The following SCN11A variants were observed in gnomAD, a reference collection of about 807,000 sequenced individuals.
SCN11A encodes the protein sodium voltage-gated channel alpha subunit 11.
SCN11A carries 122 observed loss-of-function variants against 162.2 expected under a neutral mutation model. The observed-to-expected ratio is 0.75, with a 90% CI of 0.65 to 0.87. The LOEUF (loss-of-function observed/expected upper bound fraction) is 0.87. Among genes scored for constraint, SCN11A ranks in the 40% least tolerant of loss-of-function variants. The pLI, the probability that SCN11A is intolerant of heterozygous loss-of-function variation, is 0.00. For missense variants in SCN11A, 2,015 were observed against 2,181.6 expected, an observed-to-expected ratio of 0.92 and a Z score of 1.52; for synonymous variants, 758 against 751.5, an observed-to-expected ratio of 1.01 and a Z score of -0.14.
chr3:39,044,544 A>G (rs1393046494), intron 1 of SCN11A, among the ~76,000 whole-genome samples: 3 of 152,190 alleles, frequency 2.0e-5, no homozygotes, highest in Non-Finnish European at 4.4e-5. Context: ...AAATACATAT[A>G]AATTAAATAA....
intron 6 of SCN11A, 30 bp downstream of exon 6, chr3:38,946,759 G>C: frequency 7.0e-7 from 1 of 1,422,812 alleles, no homozygotes; most frequent in South Asian, 1.2e-5. Flanking sequence ...AAATGATCTG[G>C]ACTTAGTAAA....
chr3:38,928,796 T>C (rs2066185691), intron 7 of SCN11A, among the ~76,000 whole-genome samples: 1 of 152,130 alleles, frequency 6.6e-6, no homozygotes, highest in Non-Finnish European at 1.5e-5. Flanking sequence ...CAAGTGTTGA[T>C]GAAGATGTGA....
At chr3:38,899,862 C>A (rs775496066) in intron 17 of SCN11A, 32 bp downstream of exon 17, 4 of 1,589,298 alleles carry the variant, frequency 2.5e-6, no homozygotes, top group South Asian at 1.1e-5. Flanking sequence ...TAGGCAGCTA[C>A]GTTTATGCAG....
chr3:38,944,970 T>TA (rs113936565), intron 7 of SCN11A, among the ~76,000 whole-genome samples: 20 of 150,610 alleles, frequency 1.3e-4, no homozygotes, highest in Middle Eastern at 3.4e-3. Context: ...TCTCAAAAAA[T>TA]AAAAAAAAAT....
chr3:38,980,200 T>C (rs899930100), intron 2 of SCN11A, among the ~76,000 whole-genome samples: 2 of 151,798 alleles, frequency 1.3e-5, no homozygotes, highest in African/African-American at 4.8e-5. Flanking sequence ...TCACAGTAGG[T>C]GTGAATGAAA....
At chr3:38,889,867 TAAAG>T (rs1434473760) in intron 19 of SCN11A, among the ~76,000 whole-genome samples, 3 of 135,738 alleles carry the variant, frequency 2.2e-5, no homozygotes, top group Non-Finnish European at 4.8e-5. Flanking sequence ...TAAAATAAAA[TAAAG>T]AAATAAATGC....
At chr3:38,932,821 A>G (rs1274092623) in intron 7 of SCN11A, among the ~76,000 whole-genome samples, 2 of 152,238 alleles carry the variant, frequency 1.3e-5, no homozygotes, top group Non-Finnish European at 2.9e-5. Flanking sequence ...AGACAGCAGT[A>G]ACCTCTGCAG....
At chr3:38,848,989 T>C (rs2064725564) in intron 29 of SCN11A, among the ~76,000 whole-genome samples, 2 of 152,344 alleles carry the variant, frequency 1.3e-5, no homozygotes, top group South Asian at 4.1e-4. Context: ...AGGATTAATA[T>C]ATGGATTAAT....
chr3:39,017,963 A>C (rs1265205758), intron 2 of SCN11A, among the ~76,000 whole-genome samples: 2 of 152,016 alleles, frequency 1.3e-5, no homozygotes, highest in Non-Finnish European at 2.9e-5. Context: ...ATATTCTTAA[A>C]CTTTGTTCTG....
intron 17 of SCN11A, among the ~76,000 whole-genome samples, 183 bp downstream of exon 17, chr3:38,899,711 C>T (rs540265038): frequency 2.6e-5 from 4 of 152,196 alleles, no homozygotes; most frequent in Non-Finnish European, 4.4e-5. Flanking sequence ...TTCAGTTAAG[C>T]GAAGTCCCCC....
At chr3:38,885,992 C>T in intron 20 of SCN11A, 133 bp downstream of exon 20, 1 of 591,158 alleles carries the variant, frequency 1.7e-6, no homozygotes, top group East Asian at 2.8e-5. Flanking sequence ...AGAAACCTGG[C>T]CTAGACTTTT....
At chr3:38,946,546 C>G (rs140203864) in intron 6 of SCN11A, among the ~76,000 whole-genome samples, 10 of 152,200 alleles carry the variant, frequency 6.6e-5, no homozygotes, top group African/African-American at 4.8e-5. Flanking sequence ...CACTTTCACA[C>G]GACCAATCTC....
At position 38,847,320 on chromosome 3, in the gene SCN11A, A is replaced by G. The variant is rs1047954639; in HGVS notation, c.4750T>C (p.Phe1584Leu). The change falls in exon 30 of 30, where the codon TTT (phenylalanine) becomes CTT (leucine). Residue 1584 changes from phenylalanine (F) to leucine (L), a missense_variant. Transcript: ENST00000302328. ...CHLPGIATSYFVSYIIISFLI... is the reference protein window; with the variant it reads ...CHLPGIATSYLVSYIIISFLI... ...AAGGAGATGATAATGTAACTGACAA[A>G]GTAGGATGTGGCTATGCCAGGGAGG... 3 of 1,614,100 alleles carry G rather than the reference A, an allele frequency of 1.9e-6. No homozygotes were observed. The African/African-American group carries it at 4.0e-5, about 22-fold the overall frequency.
intron 2 of SCN11A, among the ~76,000 whole-genome samples, chr3:38,983,411 G>A (rs2030128561): frequency 6.6e-6 from 1 of 152,178 alleles, no homozygotes; most frequent in African/African-American, 2.4e-5. Flanking sequence ...ATAAAATAGA[G>A]TTTCAATAGA....
rs564332325 is a variant in SCN11A at position 38,895,080 on chromosome 3, G to A, written c.2404-116C>T. On this transcript the variant is annotated intron_variant, in intron 18 of 29. Transcript: ENST00000302328. ...AAACAGAATCAAATTAGAGTTTTAT[G>A]TCCCACTGTCTCCTAAGAAAGCTCA... The A allele has an allele frequency of 2.6e-5, 22 of 837,228 alleles. No homozygotes were observed. The African/African-American group carries it at 3.3e-4, about 12-fold the overall frequency. The allele number at this position is 837,228 out of a possible 1,614,324, so 51.9% of individuals were successfully genotyped here.
In SCN11A at chr3:38,920,090, G is replaced by A. The variant is rs991838940; in HGVS notation, c.893-89C>T. The A allele has an allele frequency of 3.0e-6, 3 of 1,016,266 alleles. No individual in the cohort carries two copies. In the African/African-American group the frequency reaches 4.8e-5, roughly 16 times the overall value. The allele number at this position is 1,016,266 out of a possible 1,614,324, so 63.0% of individuals were successfully genotyped here. ...AAGTATGCAGATTATGCTTGAAAAT[G>A]GATGTTTCTACATCTTCTAAAATGA... On this transcript the variant is annotated intron_variant, in intron 10 of 29. Coordinates refer to ENST00000302328, the MANE Select transcript of SCN11A (RefSeq NM_001349253.2).
At chr3:38,922,910 T>G (rs2066076927) in intron 9 of SCN11A, among the ~76,000 whole-genome samples, 1 of 150,584 alleles carries the variant, frequency 6.6e-6, no homozygotes. Flanking sequence ...CCAAAGCCAC[T>G]GATAGAAGAG....
chr3:38,987,303 T>TCTCTCACA (rs1371432177), intron 2 of SCN11A, among the ~76,000 whole-genome samples: 3 of 104,400 alleles, frequency 2.9e-5, no homozygotes, highest in Non-Finnish European at 5.9e-5. Flanking sequence ...TCTCTCTCTC[T>TCTCTCACA]CACACACACA....
At chr3:38,883,114 C>G in intron 22 of SCN11A, 119 bp downstream of exon 22, 1 of 839,512 alleles carries the variant, frequency 1.2e-6, no homozygotes, top group Non-Finnish European at 1.9e-6. Flanking sequence ...GAACCAGCAG[C>G]ATCAGAGACC....
Sources: allele counts gnomAD v4.1 joint callset (sites outside exome capture counted in the v4.1 genomes callset), GRCh38; gene constraint gnomAD v4.1.1; transcripts MANE v1.5; gene names NCBI Gene and HGNC (gene_info 2026-07-23, HGNC 2026-07-21).